The following COTL1 variants were observed in gnomAD, a reference collection of about 807,000 sequenced individuals.
COTL1 encodes the protein coactosin like F-actin binding protein 1, also known as coactosin-like protein.
In COTL1, 15 loss-of-function variants were observed where a neutral mutation model predicts 16.5. That is an observed-to-expected ratio of 0.91 (90% CI 0.61 to 1.40). The LOEUF (loss-of-function observed/expected upper bound fraction) is 1.40, where lower values mean the gene tolerates loss of function less well. Ranked by LOEUF, COTL1 falls within the 40% of genes most tolerant of loss-of-function variation. The probability of loss-of-function intolerance (pLI) is 0.00; values close to 1 mark genes in which losing one functional copy is unlikely to be tolerated. For synonymous variants in COTL1, 112 were observed against 85.3 expected (o/e 1.31, Z -1.73); for missense variants, 220 against 201.5 (o/e 1.09, Z -0.56).
At chr16:84,570,815 A>G (rs1904324251) in intron 3 of COTL1, among the ~76,000 whole-genome samples, 1 of 152,222 alleles carries the variant, frequency 6.6e-6, no homozygotes, top group Non-Finnish European at 1.5e-5. Flanking sequence ...TACTGCCAAA[A>G]AGCAAAGGGT....
At chr16:84,606,338 C>T (rs1905210920) in intron 2 of COTL1, among the ~76,000 whole-genome samples, 1 of 152,188 alleles carries the variant, frequency 6.6e-6, no homozygotes, top group East Asian at 1.9e-4. Context: ...ACGGCGGGCC[C>T]TCCTGTGTGA....
At chr16:84,587,324 C>A (rs959336292) in intron 3 of COTL1, among the ~76,000 whole-genome samples, 4 of 152,224 alleles carry the variant, frequency 2.6e-5, no homozygotes, top group African/African-American at 9.6e-5. Flanking sequence ...CAAAGCCAAT[C>A]TGATGCCCAT....
intron 2 of COTL1, among the ~76,000 whole-genome samples, chr16:84,615,725 C>A (rs72795472): frequency 6.6e-6 from 1 of 152,174 alleles, no homozygotes; most frequent in South Asian, 2.1e-4. Flanking sequence ...GGACGGAGGC[C>A]TGGGTTCAAA....
rs1904301519 is a variant in COTL1 at position 84,566,946 on chromosome 16, T to G, written c.328A>C (p.Lys110Gln). ...LVKEVVQNFAKEFVISDRKEL... is the reference protein window; with the variant it reads ...LVKEVVQNFAQEFVISDRKEL... ...TTCCGATCACTGATCACAAACTCCT[T>G]AGCGAAATTCTGCAAGAACAAAGGA... is the stretch of plus-strand genomic sequence containing the variant. The change falls in exon 4 of 4, where the codon AAG (lysine) becomes CAG (glutamine). Residue 110 changes from lysine (K) to glutamine (Q), a missense_variant. Lys to Gln is a moderately conservative substitution (Grantham distance 53, BLOSUM62 1). Transcript: ENST00000262428. 6.2e-7 allele frequency: 1 copy of G among 1,612,374 alleles called. No individual in the cohort carries two copies. The highest frequency in any genetic ancestry group is 8.5e-7 in the Non-Finnish European group (1 of 1,178,466).
At chr16:84,568,341 A>C (rs1904307677) in intron 3 of COTL1, 1 of 152,238 alleles carries the variant, frequency 6.6e-6, no homozygotes, top group Non-Finnish European at 1.5e-5. Context: ...ACAGTGCCAC[A>C]GTACTGAGAA....
chr16:84,586,084 C>G (rs112771334), intron 3 of COTL1, among the ~76,000 whole-genome samples: 2 of 152,192 alleles, frequency 1.3e-5, no homozygotes, highest in African/African-American at 4.8e-5. Context: ...GGAAAGAGGC[C>G]TCTCTCTTCT....
chr16:84,575,330 G>A (rs56035935), intron 3 of COTL1: 30,592 of 150,200 alleles, frequency 0.2, 3,530 homozygotes, highest in Non-Finnish European at 0.28. Context: ...GAGTCACCAC[G>A]CCCAGCCCAT....
intron 2 of COTL1, among the ~76,000 whole-genome samples, chr16:84,614,863 C>A (rs1486166642): frequency 6.6e-6 from 1 of 152,318 alleles, no homozygotes; most frequent in Admixed American, 6.5e-5. Context: ...ACAACCTCCT[C>A]AGAAGCCAAG....
chr16:84,575,544 G>C (rs1465335698), intron 3 of COTL1: 1 of 151,892 alleles, frequency 6.6e-6, no homozygotes, highest in Non-Finnish European at 1.5e-5. Context: ...TTTTATTAGA[G>C]ACAGGGTTTC....
At chr16:84,603,270 G>A (rs1479590898) in intron 2 of COTL1, among the ~76,000 whole-genome samples, 3 of 152,174 alleles carry the variant, frequency 2.0e-5, no homozygotes, top group Non-Finnish European at 1.5e-5. Flanking sequence ...ACTCTTCTAC[G>A]GATTCACTTA....
At chr16:84,612,484 T>G (rs1256605268) in intron 2 of COTL1, among the ~76,000 whole-genome samples, 2 of 151,806 alleles carry the variant, frequency 1.3e-5, no homozygotes, top group East Asian at 3.9e-4. Context: ...GCTATCAGAG[T>G]AAAAATAATT....
rs565617556 is a variant in COTL1 at position 84,584,231 on chromosome 16, G to T, written c.318+5874C>A. Among the ~76,000 whole-genome samples the T allele has an allele frequency of 2.0e-5, 3 of 152,378 alleles. No homozygotes were observed. The East Asian group carries it at 5.8e-4, about 29-fold the overall frequency. ...TTCCCCGGACTGGAGTCTGGGCATC[G>T]CAATCGCCCTGCCCAGCTTGCCTGG... is the stretch of plus-strand genomic sequence containing the variant. On this transcript the variant is annotated intron_variant, in intron 3 of 3. Coordinates refer to ENST00000262428, the MANE Select transcript of COTL1 (RefSeq NM_021149.5).
chr16:84,581,210 G>GC (rs909368270), intron 3 of COTL1, among the ~76,000 whole-genome samples: 54 of 94,136 alleles, frequency 5.7e-4, no homozygotes, highest in Admixed American at 1.8e-3. Flanking sequence ...AACAAGAAGT[G>GC]CCCCCGGCCT....
chr16:84,577,569 G>A (rs1904481724), intron 3 of COTL1, among the ~76,000 whole-genome samples: 2 of 152,188 alleles, frequency 1.3e-5, no homozygotes, highest in Admixed American at 1.3e-4. Context: ...TAATAGGCAT[G>A]AGTCATTATA....
intron 2 of COTL1, among the ~76,000 whole-genome samples, chr16:84,591,184 A>T (rs941820015): frequency 1.6e-4 from 23 of 139,556 alleles, no homozygotes; most frequent in African/African-American, 5.6e-4. Flanking sequence ...ATATTCTGGA[A>T]TTTTTTTTTT....
In COTL1 at chr16:84,577,814, C is replaced by T. The variant is rs577492164; in HGVS notation, c.319-10859G>A. Among the ~76,000 whole-genome samples, 12 of 152,280 alleles carry T rather than the reference C, an allele frequency of 7.9e-5. No homozygotes were observed. The East Asian group carries it at 1.7e-3, about 22-fold the overall frequency. On this transcript the variant is annotated intron_variant, in intron 3 of 3. Coordinates refer to ENST00000262428, the MANE Select transcript of COTL1 (RefSeq NM_021149.5). ...AGCACACTGTGATGTCCTAGAAGCA[C>T]GCTGTGAGTGTTTTGGCCAAAACCA...
intron 2 of COTL1, among the ~76,000 whole-genome samples, chr16:84,604,862 A>G (rs1443278409): frequency 6.6e-6 from 1 of 152,272 alleles, no homozygotes; most frequent in Non-Finnish European, 1.5e-5. Context: ...AGCCATGAAC[A>G]ATACACTCCA....
chr16:84,603,452 C>A (rs544836242), intron 2 of COTL1, among the ~76,000 whole-genome samples: 39 of 152,294 alleles, frequency 2.6e-4, no homozygotes, highest in Admixed American at 9.8e-4. Context: ...GGGGGACCCA[C>A]TGAGAGCCCA....
intron 3 of COTL1, among the ~76,000 whole-genome samples, chr16:84,584,683 CT>C (rs1305446817): frequency 6.6e-6 from 1 of 151,798 alleles, no homozygotes; most frequent in East Asian, 1.9e-4. Flanking sequence ...AGAAACATTT[CT>C]TGCGTGAACT....
Sources: gnomAD v4.1 joint callset for allele counts (sites outside exome capture counted in the v4.1 genomes callset) on GRCh38, gnomAD v4.1.1 for gene constraint, MANE v1.5 for transcripts, NCBI Gene and HGNC (gene_info 2026-07-23, HGNC 2026-07-21) for gene names.